Variants in MTAP observed in about 807,000 individuals in gnomAD.
The protein encoded by MTAP is methylthioadenosine phosphorylase.
In MTAP, 33 loss-of-function variants were observed where a neutral mutation model predicts 33.6. The ratio of observed to expected loss-of-function variants is 0.98; its 90% CI spans 0.74 to 1.31. The LOEUF (loss-of-function observed/expected upper bound fraction) is 1.31. Among genes scored for constraint, MTAP ranks in the 40% most tolerant of loss-of-function variants. The probability of loss-of-function intolerance (pLI) is 0.00; values close to 1 mark genes in which losing one functional copy is unlikely to be tolerated. For synonymous variants in MTAP, 148 were observed against 125.7 expected, an observed-to-expected ratio of 1.18 and a Z score of -1.19; for missense variants, 367 against 360.0, an observed-to-expected ratio of 1.02 and a Z score of -0.16.
chr9:21,900,633 A>G (rs1309980893), intron 1 of MTAP, among the ~76,000 whole-genome samples: 1 of 152,170 alleles, frequency 6.6e-6, no homozygotes, highest in Non-Finnish European at 1.5e-5. Context: ...TTAAAAACAA[A>G]ACTACCATTC....
Position 21,922,882 on chromosome 9 carries a change from A to T in MTAP, c.148-8126A>T, listed in dbSNP as rs114941278. Reference sequence around the variant, plus strand: ...GGCCCTCCTAGACAGGAGGCTCATGAGAGTGGTAGGGCTAAAGCCTAACAC... The same window carrying T: ...GGCCCTCCTAGACAGGAGGCTCATGTGAGTGGTAGGGCTAAAGCCTAACAC... On this transcript the variant is annotated intron_variant, in intron 1 of 1. Transcript: ENST00000577563. The surrounding 1 kb of genome is among the most constrained non-coding windows in gnomAD (Gnocchi z 4.8). 1.8e-3 allele frequency among the ~76,000 whole-genome samples: 269 copies of T among 152,320 alleles called. No individual in the cohort carries two copies. The highest frequency in any genetic ancestry group is 6.3e-3 in the African/African-American group (264 of 41,580).
At chr9:21,930,361 CCAAT>C (rs1392011171) in intron 1 of MTAP, 1 of 204,162 alleles carries the variant, frequency 4.9e-6, no homozygotes, top group African/African-American at 2.4e-5. Context: ...GTGTTTGTGG[CCAAT>C]CAGTTTACCA....
intron 7 of MTAP, 147 bp downstream of exon 7, chr9:21,859,572 C>A: frequency 2.4e-6 from 2 of 816,922 alleles, no homozygotes; most frequent in Non-Finnish European, 3.6e-6. Context: ...ACTACCATAC[C>A]AACCACTTGT....
intron 1 of MTAP, among the ~76,000 whole-genome samples, chr9:21,889,386 A>G: frequency 6.6e-6 from 1 of 151,580 alleles, no homozygotes. Context: ...TGTTTTCTGG[A>G]AACTCAGAGA....
chr9:21,869,237 C>G (rs1476115326), downstream of MTAP, among the ~76,000 whole-genome samples: 2 of 152,118 alleles, frequency 1.3e-5, no homozygotes, highest in Non-Finnish European at 2.9e-5. Context: ...TCCAGTCTTT[C>G]CTTAGTCCTC....
At chr9:21,888,133 G>A (rs182348163) in intron 1 of MTAP, among the ~76,000 whole-genome samples, 47 of 152,170 alleles carry the variant, frequency 3.1e-4, no homozygotes, top group African/African-American at 1.1e-3. Context: ...ATGCTTTTGA[G>A]GATTCCTTTT....
chr9:21,828,502 C>T (rs188705033), intron 4 of MTAP, among the ~76,000 whole-genome samples: 9 of 152,086 alleles, frequency 5.9e-5, no homozygotes, highest in East Asian at 1.9e-4. Context: ...GGTGAAACCC[C>T]GTCTTTACTA....
chr9:21,882,107 C>G (rs1818022010), intron 1 of MTAP, among the ~76,000 whole-genome samples: 1 of 151,798 alleles, frequency 6.6e-6, no homozygotes, highest in African/African-American at 2.4e-5. Context: ...ATAAAATATT[C>G]AACCTTAAAA....
chr9:21,929,808 C>G (rs547383777), intron 1 of MTAP: 1 of 220,010 alleles, frequency 4.5e-6, no homozygotes, highest in Admixed American at 4.8e-5. Context: ...TCTAATATCA[C>G]TTTAATGGGA....
At position 21,818,076 on chromosome 9, in the gene MTAP, A is replaced by G; in HGVS notation, c.221A>G (p.Tyr74Cys). ...QHTIMPSKVNYQANIWALKEE... is the reference protein window; with the variant it reads ...QHTIMPSKVNCQANIWALKEE... ...ACCATCATGCCTTCAAAGGTCAACT[A>G]CCAGGCGAACATCTGGGCTTTGAAG... Residue 74 changes from tyrosine (Y) to cysteine (C), a missense_variant, in exon 4 of 8, where the codon TAC becomes TGC. Physicochemically the swap from Tyr to Cys is radical, Grantham distance 194. Transcript: ENST00000644715. 1.2e-6 allele frequency: 2 copies of G among 1,613,622 alleles called. No homozygotes were observed. Among genetic ancestry groups the G allele is most frequent in the Non-Finnish European group, 1.7e-6 (2 of 1,179,878 alleles).
intron 1 of MTAP, among the ~76,000 whole-genome samples, chr9:21,810,093 C>T (rs1472539115): frequency 1.3e-5 from 2 of 152,188 alleles, no homozygotes; most frequent in African/African-American, 4.8e-5. Context: ...TTCGCTAGGC[C>T]TGCTATAACA....
At chr9:21,931,143 G>C (rs960597170) in exon 2 of MTAP, 1 of 756,420 alleles carries the variant, frequency 1.3e-6, no homozygotes, top group African/African-American at 1.7e-5. Flanking sequence ...GTCTCCCTTA[G>C]ACCTGGCTGG....
intron 1 of MTAP, among the ~76,000 whole-genome samples, chr9:21,808,607 C>A (rs67159519): frequency 0.015 from 2,099 of 142,672 alleles, 42 homozygotes; most frequent in African/African-American, 0.041. Flanking sequence ...AAAAAAAAAA[C>A]ACACACACAC....
chr9:21,803,590 G>C (rs1347785268), intron 1 of MTAP, among the ~76,000 whole-genome samples: 1 of 152,208 alleles, frequency 6.6e-6, no homozygotes, highest in East Asian at 1.9e-4. Flanking sequence ...CGAGTTCTGA[G>C]AGTAGCAGCT....
intron 4 of MTAP, among the ~76,000 whole-genome samples, chr9:21,835,515 G>GT (rs765902380): frequency 6.6e-6 from 1 of 152,032 alleles, no homozygotes; most frequent in Non-Finnish European, 1.5e-5. Context: ...CAATATAGCT[G>GT]TTTTGGCTAG....
chr9:21,858,054 T>A (rs1825676490), intron 6 of MTAP, among the ~76,000 whole-genome samples: 1 of 152,218 alleles, frequency 6.6e-6, no homozygotes, highest in Non-Finnish European at 1.5e-5. Context: ...GGATTTTGTT[T>A]GGTTCGGTTT....
At chr9:21,873,028 C>T (rs1313367955) in intron 1 of MTAP, among the ~76,000 whole-genome samples, 1 of 152,126 alleles carries the variant, frequency 6.6e-6, no homozygotes, top group African/African-American at 2.4e-5. Flanking sequence ...GTTACTAGAG[C>T]CCTCTTCCTA....
chr9:21,802,969 C>T (rs1824093793), intron 1 of MTAP, 188 bp downstream of exon 1: 3 of 1,386,486 alleles, frequency 2.2e-6, no homozygotes, highest in African/African-American at 1.6e-5. Context: ...GCAAATGATC[C>T]CCCTGCCGCA....
At chr9:21,827,107 T>G (rs963068465) in intron 4 of MTAP, among the ~76,000 whole-genome samples, 4 of 152,214 alleles carry the variant, frequency 2.6e-5, no homozygotes, top group African/African-American at 9.6e-5. Context: ...GCAGCTGTAC[T>G]AGGGCCACCC....
Sources: gnomAD v4.1 joint callset for allele counts (sites outside exome capture counted in the v4.1 genomes callset) on GRCh38, gnomAD v4.1.1 for gene constraint, Gnocchi (gnomAD v3.1) non-coding constraint, MANE v1.5 for transcripts, NCBI Gene and HGNC (gene_info 2026-07-23, HGNC 2026-07-21) for gene names.